RRM2: variants seen among roughly 807,000 people sequenced by gnomAD.
The protein encoded by RRM2 is ribonucleotide reductase regulatory subunit M2.
A neutral mutation model predicts 45.9 loss-of-function variants in RRM2; 6 were observed. That is an observed-to-expected ratio of 0.13 (90% CI 0.07 to 0.26). The LOEUF is 0.26. Among genes scored for constraint, RRM2 ranks in the 10% least tolerant of loss-of-function variants. RRM2 has a pLI of 1.00. For missense variants in RRM2, 343 were observed against 489.5 expected, an observed-to-expected ratio of 0.70 and a Z score of 2.82; for synonymous variants, 177 against 173.0, an observed-to-expected ratio of 1.02 and a Z score of -0.18.
intron 3 of RRM2, among the ~76,000 whole-genome samples, chr2:10,151,897 A>G (rs561787342): frequency 5.3e-5 from 8 of 152,240 alleles, no homozygotes; most frequent in Non-Finnish European, 7.4e-5. Flanking sequence ...TTTTATATGT[A>G]CACCATCTTT....
At chr2:10,164,745 G>A (rs1175606260) in intron 3 of RRM2, among the ~76,000 whole-genome samples, 1 of 152,162 alleles carries the variant, frequency 6.6e-6, no homozygotes, top group Non-Finnish European at 1.5e-5. Context: ...GGCGGCCAGG[G>A]CCCTGCAGGA....
At chr2:10,153,805 A>G (rs1663368359) in intron 3 of RRM2, among the ~76,000 whole-genome samples, 1 of 152,254 alleles carries the variant, frequency 6.6e-6, no homozygotes. Context: ...ACAGACCAGT[A>G]TAGTGGCTTA....
rs768283609 is a variant in RRM2, at chr2:10,126,892, C to G, written c.587C>G (p.Ala196Gly). The G allele has an allele frequency of 1.9e-6, 3 of 1,613,682 alleles. No homozygotes were observed. Among genetic ancestry groups the G allele is most frequent in the Non-Finnish European group, 2.5e-6 (3 of 1,179,794 alleles). Residue 196 changes from alanine (A) to glycine (G), a missense_variant, in exon 6 of 10, where the codon GCC (alanine) becomes GGC (glycine). Ala to Gly is a moderately conservative substitution (Grantham distance 60, BLOSUM62 0). Transcript: ENST00000304567. Reference sequence around the variant, plus strand: ...CCTACTAGGGAATTTCTCTTCAATGCCATTGAAACGATGCCTTGTGTCAAG... The same window carrying G: ...CCTACTAGGGAATTTCTCTTCAATGGCATTGAAACGATGCCTTGTGTCAAG... The part of the protein sequence containing the change: ...DPKEREFLFN[A>G]IETMPCVKKK...
At chr2:10,140,452 G>T (rs1356795922), upstream of RRM2, among the ~76,000 whole-genome samples, 3 of 152,150 alleles carry the variant, frequency 2.0e-5, no homozygotes, top group Non-Finnish European at 2.9e-5. Flanking sequence ...GAAAATGCTT[G>T]ATGAGCTCTG....
At chr2:10,151,295 A>ATT (rs1197139714) in intron 3 of RRM2, among the ~76,000 whole-genome samples, 1 of 111,976 alleles carries the variant, frequency 8.9e-6, no homozygotes. Flanking sequence ...CTGCATGTAG[A>ATT]TTTTTTTTTT....
chr2:10,170,213 A>G (rs1043612800), intron 3 of RRM2, among the ~76,000 whole-genome samples: 1 of 144,860 alleles, frequency 6.9e-6, no homozygotes, highest in Non-Finnish European at 1.5e-5. Context: ...CAGTTTTCCC[A>G]ATTACCTTTC....
At chr2:10,196,619 G>C (rs1416118395) in intron 3 of RRM2, among the ~76,000 whole-genome samples, 1 of 152,186 alleles carries the variant, frequency 6.6e-6, no homozygotes, top group African/African-American at 2.4e-5. Context: ...GGATCCCATG[G>C]GGGGCCGGGC....
At chr2:10,123,888 T>C in intron 4 of RRM2, 36 bp downstream of exon 4, 1 of 1,198,742 alleles carries the variant, frequency 8.3e-7, no homozygotes, top group Admixed American at 1.7e-5. Context: ...CATTTGACGT[T>C]GACGATCTGA....
At chr2:10,167,147 C>A (rs1415864492) in intron 3 of RRM2, among the ~76,000 whole-genome samples, 1 of 152,226 alleles carries the variant, frequency 6.6e-6, no homozygotes, top group East Asian at 1.9e-4. Flanking sequence ...ACTCTCCCAC[C>A]CCTGCGTGGC....
intron 3 of RRM2, among the ~76,000 whole-genome samples, chr2:10,201,002 G>A (rs952389484): frequency 2.0e-5 from 3 of 152,136 alleles, no homozygotes; most frequent in Non-Finnish European, 4.4e-5. Flanking sequence ...ACAAAAGTTA[G>A]CTGGGCATGG....
chr2:10,193,396 T>C (rs971999524), intron 3 of RRM2, among the ~76,000 whole-genome samples: 1 of 152,222 alleles, frequency 6.6e-6, no homozygotes. Flanking sequence ...TCTGTGAGAC[T>C]GTTTTGGGCC....
At chr2:10,199,779 C>CAAA (rs796262395) in intron 3 of RRM2, among the ~76,000 whole-genome samples, 4 of 14,290 alleles carry the variant, frequency 2.8e-4, no homozygotes, top group African/African-American at 3.7e-4. Context: ...GACTCAGTCT[C>CAAA]AAAAAAAAAA....
rs573249316 is a variant in RRM2 at position 10,165,749 on chromosome 2, C to T, written n.482+23374C>T. 2.0e-3 allele frequency among the ~76,000 whole-genome samples: 312 copies of T among 152,334 alleles called. 1 individual carries two copies. Among genetic ancestry groups the T allele is most frequent in the African/African-American group, 7.2e-3 (298 of 41,564 alleles). ...TCAGAGACTGGTTCACCCAGAGAGA[C>T]CGGGATGCTGCCTTCCAAAATGGAA... On this transcript the variant is annotated intron_variant and non_coding_transcript_variant, in intron 3 of 3. Transcript: ENST00000381786.
At position 10,172,097 on chromosome 2, in the gene RRM2, G is replaced by A. The variant is rs78100192; in HGVS notation, n.482+29722G>A. ...TTGAGCATGAGTGCATTAACAGGGG[G>A]AACGTCTGTGTTTACAGGGCATGCG... On this transcript the variant is annotated intron_variant and non_coding_transcript_variant, in intron 3 of 3. Coordinates refer to the RRM2 transcript ENST00000381786. This position sits in a 1 kb window ranked among gnomAD's most constrained non-coding sequence, Gnocchi z 4.9. Among the ~76,000 whole-genome samples the A allele has an allele frequency of 2.0e-5, 3 of 152,344 alleles. No homozygotes were observed. Among genetic ancestry groups the A allele is most frequent in the Admixed American group, 2.0e-4 (3 of 15,306 alleles).
intron 3 of RRM2, among the ~76,000 whole-genome samples, chr2:10,142,726 T>C (rs1663111069): frequency 6.6e-6 from 1 of 152,150 alleles, no homozygotes; most frequent in African/African-American, 2.4e-5. Flanking sequence ...GCATCTGGAA[T>C]GGTCTCGGGC....
At chr2:10,149,651 A>T (rs951380448) in intron 3 of RRM2, among the ~76,000 whole-genome samples, 1 of 152,132 alleles carries the variant, frequency 6.6e-6, no homozygotes, top group Admixed American at 6.5e-5. Context: ...TTTTTCTTCA[A>T]CCATCTATTT....
chr2:10,199,788 A>AC (rs1664502700), intron 3 of RRM2, among the ~76,000 whole-genome samples: 15 of 140,952 alleles, frequency 1.1e-4, no homozygotes, highest in South Asian at 2.3e-4. Flanking sequence ...TCAAAAAAAA[A>AC]AAAAAAAAAA....
intron 3 of RRM2, among the ~76,000 whole-genome samples, chr2:10,146,770 G>A (rs538253971): frequency 2.6e-5 from 4 of 152,222 alleles, no homozygotes; most frequent in Admixed American, 6.5e-5. Flanking sequence ...CAAGGGCAGC[G>A]ACCCCCAGCC....
chr2:10,203,324 T>C (rs1253811385), intron 3 of RRM2, among the ~76,000 whole-genome samples: 1 of 152,252 alleles, frequency 6.6e-6, no homozygotes, highest in Non-Finnish European at 1.5e-5. Context: ...GTTTCCCGAC[T>C]GCCACCCACT....
Sources: gnomAD v4.1 joint callset for allele counts (sites outside exome capture counted in the v4.1 genomes callset) on GRCh38, gnomAD v4.1.1 for gene constraint, Gnocchi (gnomAD v3.1) non-coding constraint, MANE v1.5 for transcripts, NCBI Gene and HGNC (gene_info 2026-07-23, HGNC 2026-07-21) for gene names.